The following SH3GL2 variants were observed in gnomAD, a reference collection of about 807,000 sequenced individuals.
SH3GL2 encodes endophilin-A1.
Under a neutral mutation model 46.0 loss-of-function variants are expected in SH3GL2, and 24 were observed. The ratio of observed to expected loss-of-function variants is 0.52; its 90% CI spans 0.38 to 0.73. SH3GL2 has a LOEUF of 0.73. Ranked by LOEUF, SH3GL2 falls within the 30% of genes least tolerant of loss-of-function variation. The pLI, the probability that SH3GL2 is intolerant of heterozygous loss-of-function variation, is 0.00. For missense variants in SH3GL2, 413 were observed against 424.2 expected, an observed-to-expected ratio of 0.97 and a Z score of 0.23; for synonymous variants, 196 against 147.1, an observed-to-expected ratio of 1.33 and a Z score of -2.40.
intron 1 of SH3GL2, among the ~76,000 whole-genome samples, chr9:17,601,788 T>C (rs1192364624): frequency 6.6e-6 from 1 of 152,172 alleles, no homozygotes; most frequent in Non-Finnish European, 1.5e-5. Flanking sequence ...ACTTGTTGTG[T>C]CCCAAAAACT....
rs73642314 is a variant in SH3GL2 at position 17,766,827 on chromosome 9, G to A, written c.187+5318G>A. Among the ~76,000 whole-genome samples, 216 of 152,180 alleles carry A rather than the reference G, an allele frequency of 1.4e-3. 3 individuals are homozygous for A. Among genetic ancestry groups the A allele is most frequent in the African/African-American group, 5.1e-3 (210 of 41,550 alleles). On this transcript the variant is annotated intron_variant, in intron 3 of 8. Transcript: ENST00000380607. Reference sequence around the variant, plus strand: ...CACTAGATAGTTTGCCTTTCTGTTCGATATATGTTTCATGTTTACCTCCTT... The same window carrying A: ...CACTAGATAGTTTGCCTTTCTGTTCAATATATGTTTCATGTTTACCTCCTT...
intron 1 of SH3GL2, among the ~76,000 whole-genome samples, chr9:17,742,829 AGAGTTGTTTTTAG>A (rs1341234508): frequency 2.0e-5 from 3 of 152,154 alleles, no homozygotes; most frequent in South Asian, 2.1e-4. Context: ...ATGGTACAGG[AGAGTTGTTTTTAG>A]GAGTTGTTTT....
chr9:17,737,572 C>T (rs1588287820), intron 1 of SH3GL2, among the ~76,000 whole-genome samples: 1 of 152,110 alleles, frequency 6.6e-6, no homozygotes, highest in Admixed American at 6.6e-5. Context: ...GTTTCAGCCG[C>T]ACCCTACTGC....
chr9:17,665,790 G>T (rs1820327399), intron 1 of SH3GL2, among the ~76,000 whole-genome samples: 1 of 151,104 alleles, frequency 6.6e-6, no homozygotes, highest in Non-Finnish European at 1.5e-5. Flanking sequence ...ATTGCTACCA[G>T]AATGTCATAA....
In SH3GL2 at chr9:17,672,891, G is replaced by C. The variant is rs371466515; in HGVS notation, c.46-74175G>C. 3.9e-5 allele frequency among the ~76,000 whole-genome samples: 6 copies of C among 151,972 alleles called. No individual in the cohort carries two copies. In the East Asian group the frequency reaches 7.7e-4, roughly 20 times the overall value. Reference sequence around the variant, plus strand: ...CATTCTGTTTCAGAATTAGATTTTCGTACATTCATAGGCCCAACTCAAAAT... The same window carrying C: ...CATTCTGTTTCAGAATTAGATTTTCCTACATTCATAGGCCCAACTCAAAAT... On this transcript the variant is annotated intron_variant, in intron 1 of 8. Transcript: ENST00000380607.
chr9:17,789,357 C>T (rs767973325), intron 5 of SH3GL2, 35 bp from the exon 6 acceptor site: 1 of 1,597,204 alleles, frequency 6.3e-7, no homozygotes, highest in Non-Finnish European at 8.6e-7. Context: ...TCCATAAGCC[C>T]TTTCAAAGCC....
At chr9:17,782,426 T>C (rs1823835518) in intron 3 of SH3GL2, among the ~76,000 whole-genome samples, 2 of 152,144 alleles carry the variant, frequency 1.3e-5, no homozygotes, top group Non-Finnish European at 1.5e-5. Context: ...TAAGGGAAGA[T>C]TGGAGTGAAT....
intron 1 of SH3GL2, among the ~76,000 whole-genome samples, chr9:17,740,846 A>G (rs1331811749): frequency 3.3e-5 from 5 of 152,152 alleles, no homozygotes; most frequent in African/African-American, 1.2e-4. Flanking sequence ...CTAATTCTAA[A>G]AACAGATCTA....
chr9:17,791,446 C>A, intron 7 of SH3GL2, 112 bp downstream of exon 7: 1 of 776,968 alleles, frequency 1.3e-6, no homozygotes, highest in Non-Finnish European at 2.2e-6. Flanking sequence ...CAAAATTCCG[C>A]TTATCCTACA....
At chr9:17,619,307 C>T (rs144052221) in intron 1 of SH3GL2, among the ~76,000 whole-genome samples, 1 of 152,298 alleles carries the variant, frequency 6.6e-6, no homozygotes, top group African/African-American at 2.4e-5. Flanking sequence ...CCCTACTCAA[C>T]TATATTTGAG....
intron 1 of SH3GL2, among the ~76,000 whole-genome samples, chr9:17,715,631 A>G (rs984829532): frequency 6.6e-6 from 1 of 151,878 alleles, no homozygotes; most frequent in African/African-American, 2.4e-5. Flanking sequence ...TTTATCTCAG[A>G]CATTGTATTT....
chr9:17,627,975 G>A (rs1819322365), intron 1 of SH3GL2, among the ~76,000 whole-genome samples: 2 of 152,290 alleles, frequency 1.3e-5, no homozygotes, highest in South Asian at 2.1e-4. Flanking sequence ...GTGTTGTTGA[G>A]TGTAGAGTGG....
intron 3 of SH3GL2, among the ~76,000 whole-genome samples, chr9:17,775,156 T>G (rs1403574653): frequency 1.3e-5 from 2 of 152,128 alleles, no homozygotes; most frequent in African/African-American, 4.8e-5. Context: ...TTTTAGTAAT[T>G]TGTGTCTTTT....
intron 1 of SH3GL2, among the ~76,000 whole-genome samples, chr9:17,614,124 T>G (rs1818929723): frequency 1.3e-5 from 2 of 151,930 alleles, no homozygotes; most frequent in Admixed American, 1.3e-4. Flanking sequence ...CTTCACAGAT[T>G]TCTTTGGGAT....
intron 1 of SH3GL2, among the ~76,000 whole-genome samples, chr9:17,643,314 T>C (rs1182064191): frequency 5.3e-5 from 8 of 152,222 alleles, no homozygotes; most frequent in African/African-American, 4.8e-5. Context: ...TTTCTAAATA[T>C]ACAATCATGT....
chr9:17,675,899 C>G (rs138669499), intron 1 of SH3GL2, among the ~76,000 whole-genome samples: 10 of 151,980 alleles, frequency 6.6e-5, no homozygotes, highest in African/African-American at 2.4e-4. Context: ...GAGCTGAGAT[C>G]GCGCCACTGC....
intron 1 of SH3GL2, among the ~76,000 whole-genome samples, chr9:17,614,295 GAAAAA>G (rs3084628): frequency 1.2e-3 from 85 of 70,298 alleles, no homozygotes; most frequent in African/African-American, 3.2e-3. Context: ...CATGGTTTCT[GAAAAA>G]AAAAAAAAAA....
intron 6 of SH3GL2, chr9:17,790,513 G>C (rs1429564243): frequency 5.6e-6 from 3 of 540,354 alleles, no homozygotes; most frequent in South Asian, 8.0e-5. Context: ...CTAACTCCTC[G>C]AGAGGAATAC....
rs1234771149 is a variant in SH3GL2 at position 17,789,555 on chromosome 9, G to GT, written c.624+6dup. The GT allele has an allele frequency of 1.9e-6, 3 of 1,612,984 alleles. No homozygotes were observed. ...TTCAATCTCTTGGAGATGGATGTAA[G>GT]TGACTCCTGTGGTTTTCAATTTAAT... On this transcript the variant is annotated splice_donor_region_variant and intron_variant, in intron 6 of 8. Coordinates refer to ENST00000380607, the MANE Select transcript of SH3GL2 (RefSeq NM_003026.5).
Sources: allele counts gnomAD v4.1 joint callset (sites outside exome capture counted in the v4.1 genomes callset), GRCh38; gene constraint gnomAD v4.1.1; transcripts MANE v1.5; gene names NCBI Gene and HGNC (gene_info 2026-07-23, HGNC 2026-07-21).